Variants in ATP10A observed in about 807,000 individuals in gnomAD.
The protein encoded by ATP10A is phospholipid-transporting ATPase VA.
A neutral mutation model predicts 147.8 loss-of-function variants in ATP10A; 111 were observed. The ratio of observed to expected loss-of-function variants is 0.75; its 90% CI spans 0.64 to 0.88. The LOEUF is 0.88. Ranked by LOEUF, ATP10A falls within the 40% of genes least tolerant of loss-of-function variation. The pLI is 0.00. For synonymous variants in ATP10A, 875 were observed against 841.6 expected, an observed-to-expected ratio of 1.04 and a Z score of -0.69; for missense variants, 1,927 against 1,959.0, an observed-to-expected ratio of 0.98 and a Z score of 0.31.
At chr15:25,848,915 G>A (rs765450434) in intron 1 of ATP10A, 1 of 153,568 alleles carries the variant, frequency 6.5e-6, no homozygotes, top group African/African-American at 2.4e-5. Context: ...GGGCTGACAG[G>A]TCAGGAGAGG....
chr15:25,702,319 C>T (rs922165775), intron 12 of ATP10A, among the ~76,000 whole-genome samples: 2 of 152,230 alleles, frequency 1.3e-5, no homozygotes, highest in Non-Finnish European at 2.9e-5. Context: ...CTTTTGACAG[C>T]TCTGTCGATG....
At chr15:25,827,942 T>C (rs955037621) in intron 1 of ATP10A, among the ~76,000 whole-genome samples, 28 of 151,870 alleles carry the variant, frequency 1.8e-4, no homozygotes, top group Non-Finnish European at 1.5e-4. Context: ...AGGTTGAAAG[T>C]AAAAGGATGA....
At chr15:25,769,587 C>T (rs750348895) in intron 2 of ATP10A, among the ~76,000 whole-genome samples, 5 of 151,520 alleles carry the variant, frequency 3.3e-5, no homozygotes, top group Admixed American at 2.6e-4. Flanking sequence ...CCATCCTACC[C>T]GGGTGCCTCA....
chr15:25,680,169 A>G lies in ATP10A; in HGVS notation c.3818T>C (p.Val1273Ala). 1 of 1,614,126 alleles carries G rather than the reference A, an allele frequency of 6.2e-7. No homozygotes were observed. The highest frequency in any genetic ancestry group is 8.5e-7 in the Non-Finnish European group (1 of 1,180,030). Residue 1273 changes from valine (V) to alanine (A), a missense_variant, in exon 20 of 21, where the codon GTG (valine) becomes GCG (alanine). By Grantham distance (64) the Val-to-Ala change is moderately conservative. Transcript: ENST00000555815. ...CGTCATCAGGCAAGTCAAGTAAAAC[A>G]CTGGGTCACCCAGTAAGGCTTGCAT... ...WTMQALLGDP[V>A]FYLTCLMTPV...
At chr15:25,776,750 C>T (rs1470900698) in intron 2 of ATP10A, among the ~76,000 whole-genome samples, 1 of 152,192 alleles carries the variant, frequency 6.6e-6, no homozygotes, top group African/African-American at 2.4e-5. Context: ...CACCGCCTTC[C>T]GGTTTTTGTT....
chr15:25,728,427 C>A (rs1167839970), intron 3 of ATP10A, among the ~76,000 whole-genome samples: 1 of 152,220 alleles, frequency 6.6e-6, no homozygotes, highest in Non-Finnish European at 1.5e-5. Context: ...GCTCCCTTGG[C>A]AATGCCAAGA....
At position 25,796,368 on chromosome 15, in the gene ATP10A, A is replaced by G. The variant is rs147248461; in HGVS notation, c.450-15145T>C. ...TGCAGTGAGCCACAATAGCACCACTACACTTCAGCCTGAACAAAAGAGCGA... is the reference window on the plus strand; with the variant it reads ...TGCAGTGAGCCACAATAGCACCACTGCACTTCAGCCTGAACAAAAGAGCGA... On this transcript the variant is annotated intron_variant, in intron 1 of 20. Coordinates refer to ENST00000555815, the MANE Select transcript of ATP10A (RefSeq NM_024490.4). Among the ~76,000 whole-genome samples the G allele has an allele frequency of 2.3e-4, 35 of 151,462 alleles. No individual in the cohort carries two copies. The East Asian group carries it at 6.5e-3, about 28-fold the overall frequency.
chr15:25,724,082 C>T (rs1596761688), intron 5 of ATP10A, 61 bp from the exon 6 acceptor site: 6 of 1,411,620 alleles, frequency 4.3e-6, no homozygotes, highest in African/African-American at 2.9e-5. Context: ...ATATTGCTAG[C>T]GTATATTAAA....
intron 3 of ATP10A, among the ~76,000 whole-genome samples, chr15:25,735,079 C>T (rs1397260063): frequency 2.0e-5 from 3 of 151,942 alleles, no homozygotes; most frequent in Non-Finnish European, 2.9e-5. Context: ...CGGCTGCAGG[C>T]GTCAAAAGTC....
At chr15:25,859,259 C>T (rs986325033) in intron 1 of ATP10A, among the ~76,000 whole-genome samples, 10 of 152,198 alleles carry the variant, frequency 6.6e-5, no homozygotes, top group Admixed American at 5.2e-4. Flanking sequence ...CGAGGGATGC[C>T]CACCCTGTTC....
intron 7 of ATP10A, among the ~76,000 whole-genome samples, chr15:25,720,953 C>A (rs745662461): frequency 2.0e-5 from 3 of 152,166 alleles, no homozygotes; most frequent in South Asian, 2.1e-4. Flanking sequence ...CTGTCACAGG[C>A]AGGAAATGGA....
intron 1 of ATP10A, among the ~76,000 whole-genome samples, chr15:25,839,470 G>A (rs1377931198): frequency 6.6e-6 from 1 of 152,136 alleles, no homozygotes; most frequent in African/African-American, 2.4e-5. Context: ...GTACCCGTGA[G>A]AGATGCCGTT....
intron 1 of ATP10A, among the ~76,000 whole-genome samples, chr15:25,812,669 GTC>G (rs1891483737): frequency 6.6e-6 from 1 of 152,136 alleles, no homozygotes; most frequent in African/African-American, 2.4e-5. Context: ...TTACTGGGCT[GTC>G]TCTGTTTTTC....
At chr15:25,851,035 G>A (rs1418429029) in intron 1 of ATP10A, among the ~76,000 whole-genome samples, 2 of 152,048 alleles carry the variant, frequency 1.3e-5, no homozygotes, top group African/African-American at 2.4e-5. Flanking sequence ...AGAGGCTGGG[G>A]AGGGGTGAGT....
chr15:25,781,151 G>A lies in ATP10A; in HGVS notation c.522C>T (p.Asn174=), dbSNP rs145190957. 5.3e-4 allele frequency: 859 copies of A among 1,614,196 alleles called. 1 individual carries two copies. The highest frequency in any genetic ancestry group is 6.3e-4 in the Non-Finnish European group (743 of 1,180,032). Residue 174 remains asparagine, a synonymous_variant, in exon 2 of 21, where the codon AAC becomes AAT. Transcript: ENST00000555815. The part of the protein sequence containing the change: ...HVGDFVRLRC[N]EIFPADILLL... ...GCAGAATGTCCGCAGGGAAGATTTC[G>A]TTGCAGCGAAGACGCACAAAGTCTC...
intron 1 of ATP10A, among the ~76,000 whole-genome samples, chr15:25,810,255 C>A (rs924720890): frequency 9.9e-5 from 15 of 152,188 alleles, no homozygotes; most frequent in African/African-American, 3.4e-4. Flanking sequence ...AGCCCAAGGG[C>A]CTGGCTTAAG....
intron 1 of ATP10A, among the ~76,000 whole-genome samples, chr15:25,825,412 G>A (rs1331614631): frequency 6.6e-6 from 1 of 152,138 alleles, no homozygotes; most frequent in Non-Finnish European, 1.5e-5. Flanking sequence ...TCAGAGCTAT[G>A]CATACACTCA....
In ATP10A at chr15:25,727,141, G is replaced by A. The variant is rs753375770; in HGVS notation, c.847+19C>T. 3.2e-5 allele frequency: 51 copies of A among 1,585,886 alleles called. No homozygotes were observed. The Middle Eastern group carries it at 5.0e-4, about 15-fold the overall frequency. On this transcript the variant is annotated intron_variant, in intron 4 of 20. Transcript: ENST00000555815. ...ACAGCGCTGTCTGGCGGCAGGTGGT[G>A]CCAGGTGCCCGAGCCTACCTGCGTA...
intron 16 of ATP10A, among the ~76,000 whole-genome samples, chr15:25,687,298 T>C (rs1388390045): frequency 6.6e-6 from 1 of 152,062 alleles, no homozygotes; most frequent in African/African-American, 2.4e-5. Flanking sequence ...AGCATGCTCC[T>C]GAGAAACCTA....
Sources: allele counts gnomAD v4.1 joint callset (sites outside exome capture counted in the v4.1 genomes callset), GRCh38; gene constraint gnomAD v4.1.1; transcripts MANE v1.5; gene names NCBI Gene and HGNC (gene_info 2026-07-23, HGNC 2026-07-21).